Variants in LDLRAD4 observed in about 807,000 individuals in gnomAD.
The protein encoded by LDLRAD4 is low density lipoprotein receptor class A domain containing 4.
Under a neutral mutation model 17.0 loss-of-function variants are expected in LDLRAD4, and 5 were observed. The ratio of observed to expected loss-of-function variants is 0.29; its 90% CI spans 0.15 to 0.62. The LOEUF is 0.62. Ranked by LOEUF, LDLRAD4 falls within the 20% of genes least tolerant of loss-of-function variation. The pLI is 0.84. For synonymous variants in LDLRAD4, 168 were observed against 171.8 expected, an observed-to-expected ratio of 0.98 and a Z score of 0.17; for missense variants, 340 against 424.7, an observed-to-expected ratio of 0.80 and a Z score of 1.75.
intron 3 of LDLRAD4, among the ~76,000 whole-genome samples, chr18:13,581,517 A>G (rs1601532436): frequency 6.6e-6 from 1 of 152,222 alleles, no homozygotes; most frequent in Non-Finnish European, 1.5e-5. Flanking sequence ...AAAGGGACTC[A>G]TGCAGTTATA....
intron 1 of LDLRAD4, among the ~76,000 whole-genome samples, chr18:13,369,085 G>A (rs928039527): frequency 6.6e-6 from 1 of 152,240 alleles, no homozygotes; most frequent in South Asian, 2.1e-4. Flanking sequence ...GCTATAGAAG[G>A]AATGTGGAAG....
chr18:13,348,024 C>T (rs1025874908), intron 1 of LDLRAD4, among the ~76,000 whole-genome samples: 28 of 152,192 alleles, frequency 1.8e-4, no homozygotes, highest in African/African-American at 6.8e-4. Context: ...CGAAATTCCT[C>T]CATTAGCTCA....
At chr18:13,415,595 G>A (rs975787735) in intron 2 of LDLRAD4, among the ~76,000 whole-genome samples, 13 of 152,202 alleles carry the variant, frequency 8.5e-5, no homozygotes, top group Admixed American at 5.2e-4. Flanking sequence ...TTTCAGGTAC[G>A]TAGTGTACTG....
intron 5 of LDLRAD4, 56 bp downstream of exon 6, chr18:13,643,468 A>T: frequency 4.8e-6 from 3 of 621,694 alleles, no homozygotes; most frequent in Admixed American, 4.6e-5. Context: ...GGTGGGGATG[A>T]AGGGGGCGTG....
chr18:13,581,998 G>A (rs1274061410), intron 3 of LDLRAD4, among the ~76,000 whole-genome samples: 11 of 152,144 alleles, frequency 7.2e-5, no homozygotes, highest in Admixed American at 7.2e-4. Context: ...GTATCTTTCT[G>A]TGATTTATTC....
intron 3 of LDLRAD4, among the ~76,000 whole-genome samples, chr18:13,469,707 C>T (rs947723226): frequency 6.6e-6 from 1 of 152,114 alleles, no homozygotes. Flanking sequence ...TTAGAGGTTA[C>T]CAGGAGCTTG....
intron 1 of LDLRAD4, among the ~76,000 whole-genome samples, chr18:13,324,654 T>A (rs1297874668): frequency 2.0e-5 from 3 of 152,090 alleles, no homozygotes; most frequent in African/African-American, 7.2e-5. Context: ...CTGCTGATGA[T>A]CTGGAACCTC....
intron 3 of LDLRAD4, chr18:13,612,072 C>G (rs960869316): frequency 2.0e-6 from 2 of 985,366 alleles, no homozygotes; most frequent in African/African-American, 3.5e-5. Flanking sequence ...TTGGTAAGCG[C>G]CCTCTCCGGT....
At chr18:13,608,185 C>T (rs1241755791) in intron 3 of LDLRAD4, among the ~76,000 whole-genome samples, 1 of 151,680 alleles carries the variant, frequency 6.6e-6, no homozygotes, top group African/African-American at 2.4e-5. Flanking sequence ...CATCATCACT[C>T]ATCATTAGAG....
chr18:13,405,893 G>A (rs935490899), intron 2 of LDLRAD4, among the ~76,000 whole-genome samples: 2 of 152,100 alleles, frequency 1.3e-5, no homozygotes, highest in African/African-American at 2.4e-5. Flanking sequence ...CGCTCCTGTC[G>A]CAGCTCACTT....
At chr18:13,630,633 G>A (rs1407275601) in intron 4 of LDLRAD4, among the ~76,000 whole-genome samples, 2 of 152,266 alleles carry the variant, frequency 1.3e-5, no homozygotes, top group African/African-American at 2.4e-5. Context: ...CAGACTGACC[G>A]AGGTGCCTAG....
intron 3 of LDLRAD4, among the ~76,000 whole-genome samples, chr18:13,494,486 T>G (rs149290828): frequency 9.9e-4 from 150 of 150,926 alleles, no homozygotes; most frequent in African/African-American, 3.4e-3. Flanking sequence ...TCTGCCCTCA[T>G]AAGACATCTT....
At chr18:13,323,994 G>A (rs572338510) in intron 1 of LDLRAD4, among the ~76,000 whole-genome samples, 25 of 152,002 alleles carry the variant, frequency 1.6e-4, no homozygotes, top group African/African-American at 6.0e-4. Flanking sequence ...GAACCTGGGA[G>A]GCAGAGGTTG....
intron 3 of LDLRAD4, chr18:13,542,769 C>G (rs925988660): frequency 6.6e-6 from 1 of 152,326 alleles, no homozygotes; most frequent in African/African-American, 2.4e-5. Context: ...TAAACCCTTT[C>G]CTGTAGTTTG....
At position 13,253,130 on chromosome 18, in the gene LDLRAD4, C is replaced by T. The variant is rs28576261; in HGVS notation, c.-466-24975C>T. ...ATCACATTGCCTGGGCCCCAGTCTC[C>T]GAGGAGCCTGGTGGTGGTGGTGGTG... On this transcript the variant is annotated intron_variant, in intron 1 of 5. Transcript: ENST00000399848. Among the ~76,000 whole-genome samples, 640 of 152,168 alleles carry T rather than the reference C, an allele frequency of 4.2e-3. 5 individuals are homozygous for T. Among genetic ancestry groups the T allele is most frequent in the African/African-American group, 0.014 (583 of 41,490 alleles).
At chr18:13,499,999 T>G (rs2093585510) in intron 3 of LDLRAD4, among the ~76,000 whole-genome samples, 5 of 152,194 alleles carry the variant, frequency 3.3e-5, no homozygotes, top group Admixed American at 3.3e-4. Flanking sequence ...CCTTCCTGAT[T>G]GACAGGGACT....
chr18:13,392,463 G>T (rs1185932143), intron 2 of LDLRAD4, among the ~76,000 whole-genome samples: 2 of 152,192 alleles, frequency 1.3e-5, no homozygotes, highest in Non-Finnish European at 2.9e-5. Flanking sequence ...TAAGACTCTG[G>T]CTGTCCTAAA....
chr18:13,339,193 T>C (rs923548804), intron 1 of LDLRAD4, among the ~76,000 whole-genome samples: 1 of 151,308 alleles, frequency 6.6e-6, no homozygotes, highest in Non-Finnish European at 1.5e-5. Flanking sequence ...AAATCTGTTA[T>C]CCTTCTGTAG....
At chr18:13,580,486 G>A (rs995277265) in intron 3 of LDLRAD4, among the ~76,000 whole-genome samples, 1 of 152,258 alleles carries the variant, frequency 6.6e-6, no homozygotes, top group Admixed American at 6.5e-5. Flanking sequence ...TGGTTCTCCT[G>A]ATGCTTGATG....
Sources: allele counts gnomAD v4.1 joint callset (sites outside exome capture counted in the v4.1 genomes callset), GRCh38; gene constraint gnomAD v4.1.1; transcripts MANE v1.5; gene names NCBI Gene and HGNC (gene_info 2026-07-23, HGNC 2026-07-21).